The following HIRA variants were observed in gnomAD, a reference collection of about 807,000 sequenced individuals.
HIRA encodes the protein histone cell cycle regulator.
Under a neutral mutation model 126.6 loss-of-function variants are expected in HIRA, and 13 were observed. That is an observed-to-expected ratio of 0.10 (90% CI 0.07 to 0.16). The LOEUF is 0.16. Among genes scored for constraint, HIRA ranks in the 10% least tolerant of loss-of-function variants. The probability of loss-of-function intolerance (pLI) is 1.00; values close to 1 mark genes in which losing one functional copy is unlikely to be tolerated. For missense variants in HIRA, 834 were observed against 1,314.4 expected (o/e 0.63, Z 5.65); for synonymous variants, 511 against 520.0 (o/e 0.98, Z 0.24).
chr22:19,375,685 T>C lies in HIRA; in HGVS notation c.1721A>G (p.Lys574Arg), dbSNP rs2089011395. The C allele has an allele frequency of 6.2e-7, 1 of 1,614,172 alleles. No individual in the cohort carries two copies. Among genetic ancestry groups the C allele is most frequent in the South Asian group, 1.1e-5 (1 of 91,088 alleles). The change falls in exon 15 of 25, where the codon AAA (lysine) becomes AGA (arginine). Residue 574 changes from lysine to arginine, a missense_variant. Physicochemically the swap from Lys to Arg is conservative, Grantham distance 26 (BLOSUM62 2). Coordinates refer to ENST00000263208, the MANE Select transcript of HIRA (RefSeq NM_003325.4). ...CAGGGCAGGAGCACCTGGTGTGGCT[T>C]TGGACCGCTCTGTGAACCGGGAGTC... ...AFDSRFTERS[K>R]ATPGAPALTS... is the part of the protein sequence containing the mutation.
At chr22:19,349,745 A>T (rs1405600190) in intron 24 of HIRA, among the ~76,000 whole-genome samples, 1 of 152,220 alleles carries the variant, frequency 6.6e-6, no homozygotes, top group Non-Finnish European at 1.5e-5. Flanking sequence ...AGAATGGAAT[A>T]AAAAATTAGG....
At chr22:19,420,481 A>AAAT (rs57388615) in intron 1 of HIRA, among the ~76,000 whole-genome samples, 3 of 148,536 alleles carry the variant, frequency 2.0e-5, no homozygotes, top group African/African-American at 7.5e-5. Context: ...AAAAAAAAAA[A>AAAT]CCAAACCAAA....
intron 15 of HIRA, among the ~76,000 whole-genome samples, chr22:19,371,525 G>A (rs2088965123): frequency 1.3e-5 from 2 of 151,870 alleles, no homozygotes; most frequent in Non-Finnish European, 2.9e-5. Flanking sequence ...AGAATCATTA[G>A]CTTTTAGCAT....
At chr22:19,340,483 T>A (rs1302285036) in intron 24 of HIRA, among the ~76,000 whole-genome samples, 3 of 152,122 alleles carry the variant, frequency 2.0e-5, no homozygotes, top group African/African-American at 7.2e-5. Context: ...CTGTCACCAC[T>A]GCTATTCAAC....
At chr22:19,414,633 G>A (rs1222316420) in intron 1 of HIRA, among the ~76,000 whole-genome samples, 1 of 152,226 alleles carries the variant, frequency 6.6e-6, no homozygotes, top group African/African-American at 2.4e-5. Flanking sequence ...CTGCCCAATA[G>A]AACTTGGTTT....
intron 10 of HIRA, 141 bp from the exon 11 acceptor site, chr22:19,387,957 C>A: frequency 9.9e-6 from 1 of 100,716 alleles, no homozygotes; most frequent in East Asian, 2.0e-4. Context: ...GCCTGGTTCC[C>A]TTCTTTGGCC....
At chr22:19,383,301 GA>G (rs1045539917) in intron 13 of HIRA, among the ~76,000 whole-genome samples, 50 of 150,584 alleles carry the variant, frequency 3.3e-4, no homozygotes, top group Non-Finnish European at 5.8e-4. Context: ...CTTTATGAAA[GA>G]AAAAAAAGAA....
chr22:19,345,566 G>A (rs1474956509), intron 24 of HIRA, among the ~76,000 whole-genome samples: 3 of 152,102 alleles, frequency 2.0e-5, no homozygotes, highest in Admixed American at 6.5e-5. Flanking sequence ...AGGGGAAGAC[G>A]GTTTCAGGAT....
Position 19,331,511 on chromosome 22 carries a change from C to T in HIRA, c.2983G>A (p.Gly995Arg). The change falls in exon 25 of 25, where the codon GGG becomes AGG. Residue 995 changes from glycine to arginine, a missense_variant. Gly to Arg is a moderately radical substitution (Grantham distance 125, BLOSUM62 -2). This residue lies in a region of HIRA where 58 missense variants were observed against 114.5 expected (regional missense o/e 0.51). Transcript: ENST00000263208. The stretch of plus-strand genomic sequence containing the variant: ...AGGCGCTGGAATCGGAGGTTCTGCC[C>T]GATGACTGGTAGCAGCTCCTTCAGC... ...ELLKELLPVI[G>R]QNLRFQRLFT... 1 of 1,612,910 alleles carries T rather than the reference C, an allele frequency of 6.2e-7. No homozygotes were observed.
At chr22:19,407,377 C>G in intron 3 of HIRA, 103 bp from the exon 4 acceptor site, 1 of 902,992 alleles carries the variant, frequency 1.1e-6, no homozygotes, top group South Asian at 1.4e-5. Context: ...TCTAATCTAT[C>G]TAATCTATTT....
intron 15 of HIRA, among the ~76,000 whole-genome samples, chr22:19,374,833 A>G (rs1307637099): frequency 6.6e-6 from 1 of 152,184 alleles, no homozygotes; most frequent in Non-Finnish European, 1.5e-5. Context: ...GCTGAGCCCT[A>G]TAAACCTCGC....
intron 21 of HIRA, among the ~76,000 whole-genome samples, chr22:19,355,414 T>TTAAC (rs2088801783): frequency 6.6e-6 from 1 of 152,210 alleles, no homozygotes; most frequent in Non-Finnish European, 1.5e-5. Context: ...AGAAATTGAC[T>TTAAC]AGTCCTGTTA....
chr22:19,339,493 T>A (rs2088602545), intron 24 of HIRA, among the ~76,000 whole-genome samples: 1 of 152,020 alleles, frequency 6.6e-6, no homozygotes, highest in African/African-American at 2.4e-5. Context: ...AAAAATTAGC[T>A]GGGTGTGGTG....
chr22:19,400,081 C>T (rs1441767453), intron 5 of HIRA, among the ~76,000 whole-genome samples: 4 of 152,164 alleles, frequency 2.6e-5, no homozygotes, highest in Non-Finnish European at 5.9e-5. Context: ...TTAGCAATCT[C>T]CACAGACACA....
chr22:19,397,282 G>C (rs899315674), intron 6 of HIRA, among the ~76,000 whole-genome samples: 1 of 152,160 alleles, frequency 6.6e-6, no homozygotes, highest in African/African-American at 2.4e-5. Flanking sequence ...TAAGGAGGAG[G>C]CCTACTAGCT....
intron 15 of HIRA, among the ~76,000 whole-genome samples, chr22:19,371,620 C>A (rs1601824854): frequency 8.6e-6 from 1 of 116,256 alleles, no homozygotes; most frequent in South Asian, 3.0e-4. Flanking sequence ...CCCATTGGTA[C>A]TCACTCCTTA....
intron 13 of HIRA, among the ~76,000 whole-genome samples, chr22:19,380,590 TTA>T (rs1320676758): frequency 5.3e-5 from 8 of 152,202 alleles, no homozygotes; most frequent in Admixed American, 1.3e-4. Context: ...CCATTCCTAT[TTA>T]TTTTTCCAGA....
intron 11 of HIRA, among the ~76,000 whole-genome samples, chr22:19,386,291 C>T (rs2089126644): frequency 6.6e-6 from 1 of 152,198 alleles, no homozygotes; most frequent in Non-Finnish European, 1.5e-5. Flanking sequence ...ATCATACTCC[C>T]CTCCTTCTAG....
At chr22:19,350,217 C>G (rs1387629269) in intron 24 of HIRA, among the ~76,000 whole-genome samples, 1 of 152,162 alleles carries the variant, frequency 6.6e-6, no homozygotes, top group Non-Finnish European at 1.5e-5. Context: ...GTCTGTCTCT[C>G]TCCATAAGAA....
Sources: allele counts gnomAD v4.1 joint callset (sites outside exome capture counted in the v4.1 genomes callset), GRCh38; gene constraint gnomAD v4.1.1; regional missense constraint gnomAD v4.1.1; transcripts MANE v1.5; gene names NCBI Gene and HGNC (gene_info 2026-07-23, HGNC 2026-07-21).